Variants in SESTD1 observed in about 807,000 individuals in gnomAD.
SESTD1 encodes the protein SEC14 and spectrin domain containing 1.
SESTD1 carries 43 observed loss-of-function variants against 101.7 expected under a neutral mutation model. That is an observed-to-expected ratio of 0.42 (90% CI 0.33 to 0.55). The LOEUF (loss-of-function observed/expected upper bound fraction) is 0.55. SESTD1 is among the 20% of genes least tolerant of loss of function. The probability of loss-of-function intolerance (pLI) is 0.07; values close to 1 mark genes in which losing one functional copy is unlikely to be tolerated. For synonymous variants in SESTD1, 283 were observed against 286.8 expected (o/e 0.99, Z 0.13); for missense variants, 647 against 815.1 (o/e 0.79, Z 2.51).
rs373063753 is a variant in SESTD1 at position 179,151,347 on chromosome 2, T to C, written c.414A>G (p.Pro138=). 8.1e-6 allele frequency: 13 copies of C among 1,607,670 alleles called. No individual in the cohort carries two copies. The African/African-American group carries it at 1.6e-4, about 20-fold the overall frequency. ...CACCAAAATCTTCTGTTAATTGGCATGGTTCTATATAACGAGTCAATTTGT... is the reference window on the plus strand; with the variant it reads ...CACCAAAATCTTCTGTTAATTGGCACGGTTCTATATAACGAGTCAATTTGT... ...SANKLTRYIE[P]CQLTEDFGGS... is the part of the protein sequence containing the mutation. The change falls in exon 6 of 18, where the codon CCA becomes CCG. Residue 138 remains proline (P), a synonymous_variant. Transcript: ENST00000428443.
chr2:179,179,623 AG>A (rs2046073000), intron 3 of SESTD1, among the ~76,000 whole-genome samples: 1 of 152,244 alleles, frequency 6.6e-6, no homozygotes, highest in Admixed American at 6.5e-5. Context: ...ATATGCTTCC[AG>A]AAAGCAAGAA....
At chr2:179,195,599 T>C (rs556901607) in intron 1 of SESTD1, among the ~76,000 whole-genome samples, 61 of 152,326 alleles carry the variant, frequency 4.0e-4, no homozygotes, top group Admixed American at 1.7e-3. Flanking sequence ...AGAAAGCTAA[T>C]TGAACAATCT....
At chr2:179,249,526 A>G (rs2047283467) in intron 1 of SESTD1, among the ~76,000 whole-genome samples, 1 of 152,214 alleles carries the variant, frequency 6.6e-6, no homozygotes, top group African/African-American at 2.4e-5. Context: ...GCTATAAAAC[A>G]TTGAGAGACA....
intron 5 of SESTD1, among the ~76,000 whole-genome samples, chr2:179,171,605 T>A (rs1347208015): frequency 1.3e-5 from 2 of 152,160 alleles, no homozygotes; most frequent in Non-Finnish European, 2.9e-5. Context: ...CTGCTTAGAT[T>A]TACATTCCAT....
intron 9 of SESTD1, among the ~76,000 whole-genome samples, chr2:179,133,379 A>C (rs2045056430): frequency 6.6e-6 from 1 of 152,174 alleles, no homozygotes; most frequent in African/African-American, 2.4e-5. Context: ...CTAGTAACGT[A>C]GTTGACATTC....
intron 5 of SESTD1, among the ~76,000 whole-genome samples, chr2:179,169,974 CAA>C (rs35057148): frequency 3.5e-4 from 29 of 82,000 alleles, no homozygotes; most frequent in Admixed American, 7.2e-4. Context: ...AACTCCATCT[CAA>C]AAAAAAAAAA....
At chr2:179,224,585 A>T (rs1476708282) in intron 1 of SESTD1, among the ~76,000 whole-genome samples, 2 of 152,130 alleles carry the variant, frequency 1.3e-5, no homozygotes, top group Non-Finnish European at 2.9e-5. Context: ...TTGCCAGGGA[A>T]ATCAACCCTG....
At chr2:179,203,715 GAA>G (rs1360413067) in intron 1 of SESTD1, among the ~76,000 whole-genome samples, 1 of 134,322 alleles carries the variant, frequency 7.4e-6, no homozygotes, top group African/African-American at 3.0e-5. Context: ...AAGTCAGACA[GAA>G]GTGTGGGTAA....
intron 1 of SESTD1, among the ~76,000 whole-genome samples, chr2:179,232,085 A>G (rs557923754): frequency 6.6e-6 from 1 of 152,222 alleles, no homozygotes; most frequent in African/African-American, 2.4e-5. Context: ...GGACATCAAT[A>G]TTGACCAAAA....
intron 5 of SESTD1, among the ~76,000 whole-genome samples, chr2:179,153,424 G>A (rs1040606851): frequency 6.6e-6 from 1 of 152,070 alleles, no homozygotes; most frequent in Non-Finnish European, 1.5e-5. Context: ...TCCTTACAGT[G>A]CTCGTTTTAA....
chr2:179,144,043 G>C (rs2045342649), intron 8 of SESTD1, among the ~76,000 whole-genome samples: 1 of 151,834 alleles, frequency 6.6e-6, no homozygotes, highest in Non-Finnish European at 1.5e-5. Flanking sequence ...ATATTAAAAT[G>C]CTATATCATA....
chr2:179,157,847 T>A (rs1470666334), intron 5 of SESTD1, among the ~76,000 whole-genome samples: 1 of 152,202 alleles, frequency 6.6e-6, no homozygotes, highest in African/African-American at 2.4e-5. Context: ...TTTGTTTCTT[T>A]GCAATATTTC....
intron 5 of SESTD1, among the ~76,000 whole-genome samples, chr2:179,153,202 A>T (rs2105452413): frequency 1.3e-5 from 2 of 152,338 alleles, no homozygotes; most frequent in Middle Eastern, 3.4e-3. Flanking sequence ...TAAGAAAACA[A>T]TACCTACAAC....
intron 16 of SESTD1, 48 bp downstream of exon 16, chr2:179,115,017 C>G: frequency 1.3e-6 from 2 of 1,492,844 alleles, no homozygotes; most frequent in East Asian, 4.6e-5. Context: ...ATTTTAAACA[C>G]ATATAATCAA....
intron 9 of SESTD1, among the ~76,000 whole-genome samples, chr2:179,141,528 GAACT>G (rs974743721): frequency 4.0e-5 from 6 of 151,192 alleles, no homozygotes; most frequent in Admixed American, 3.9e-4. Context: ...TTGAATGGAT[GAACT>G]AATAGATGTT....
At chr2:179,113,311 AAAC>A (rs1250063456) in intron 16 of SESTD1, among the ~76,000 whole-genome samples, 7 of 152,338 alleles carry the variant, frequency 4.6e-5, no homozygotes, top group South Asian at 2.1e-4. Flanking sequence ...TATAAATAAA[AAAC>A]AACAAAGAGT....
At chr2:179,233,807 C>T (rs111773911) in intron 1 of SESTD1, among the ~76,000 whole-genome samples, 13 of 152,000 alleles carry the variant, frequency 8.6e-5, no homozygotes, top group Admixed American at 2.6e-4. Flanking sequence ...TGCATGCATG[C>T]GTGTGTGTGC....
In SESTD1 at chr2:179,103,610, AAAG is replaced by A. The variant is rs755189923; in HGVS notation, c.*6286_*6288del. The A allele has an allele frequency of 1.7e-4, 26 of 152,152 alleles. No individual in the cohort carries two copies. The highest frequency in any genetic ancestry group is 1.6e-3 in the Admixed American group (24 of 15,256). The allele number at this position is 152,152 out of a possible 1,614,324, so 9.4% of individuals were successfully genotyped here. ...CAGTGGAATACTACTCAGCAATAAA[AAAG>A]AACAGCAATAAAAAAATGAAGCCTT... On this transcript the variant is annotated 3_prime_UTR_variant, in exon 18 of 18. Transcript: ENST00000428443.
chr2:179,241,417 T>C (rs1373116365), intron 1 of SESTD1, among the ~76,000 whole-genome samples: 1 of 152,130 alleles, frequency 6.6e-6, no homozygotes, highest in African/African-American at 2.4e-5. Flanking sequence ...AGTTACACCC[T>C]AATTAAACTT....
Sources: gnomAD v4.1 joint callset for allele counts (sites outside exome capture counted in the v4.1 genomes callset) on GRCh38, gnomAD v4.1.1 for gene constraint, MANE v1.5 for transcripts, NCBI Gene and HGNC (gene_info 2026-07-23, HGNC 2026-07-21) for gene names.